The following OR4N2 variants were observed in gnomAD, a reference collection of about 807,000 sequenced individuals.
OR4N2 encodes olfactory receptor 4N2.
For synonymous variants in OR4N2, 141 were observed against 140.4 expected (o/e 1.00, Z -0.03); for missense variants, 307 against 377.6 (o/e 0.81, Z 1.55).
intron 1 of OR4N2, among the ~76,000 whole-genome samples, chr14:19,827,124 A>G (rs565728579): frequency 7.9e-5 from 12 of 152,386 alleles, no homozygotes; most frequent in African/African-American, 2.9e-4. Flanking sequence ...TGTCTCCATT[A>G]GGAAACTTCC....
chr14:19,816,352 A>C (rs1443342440), intron 1 of OR4N2, among the ~76,000 whole-genome samples: 1 of 152,158 alleles, frequency 6.6e-6, no homozygotes. Context: ...TTTTCCATTC[A>C]TTTGTGTCCT....
At chr14:19,812,780 C>T (rs751985844) in intron 1 of OR4N2, among the ~76,000 whole-genome samples, 18 of 151,910 alleles carry the variant, frequency 1.2e-4, no homozygotes, top group Non-Finnish European at 2.2e-4. Context: ...GCTTATTGGC[C>T]GTAAACATGT....
chr14:19,804,725 A>G (rs55641530), intron 1 of OR4N2, among the ~76,000 whole-genome samples: 7,801 of 151,518 alleles, frequency 0.051, 206 homozygotes, highest in African/African-American at 0.13. Context: ...ATTTTGTCAA[A>G]TGTCGAGCTC....
At chr14:19,806,892 A>C (rs1290819948) in intron 1 of OR4N2, among the ~76,000 whole-genome samples, 6 of 152,084 alleles carry the variant, frequency 3.9e-5, no homozygotes, top group Admixed American at 3.9e-4. Flanking sequence ...AATTAGAAAT[A>C]AACATCAAGA....
At chr14:19,808,621 T>G (rs1879222749) in intron 1 of OR4N2, among the ~76,000 whole-genome samples, 1 of 152,174 alleles carries the variant, frequency 6.6e-6, no homozygotes, top group South Asian at 2.1e-4. Flanking sequence ...ATTACAAGAA[T>G]CAATGTTGTT....
chr14:19,820,791 G>A (rs1269184572), intron 1 of OR4N2, among the ~76,000 whole-genome samples: 2 of 152,238 alleles, frequency 1.3e-5, no homozygotes, highest in African/African-American at 2.4e-5. Flanking sequence ...AACCAAGCTC[G>A]AGTGTCCCAG....
At chr14:19,811,005 T>C (rs1437682979) in intron 1 of OR4N2, among the ~76,000 whole-genome samples, 1 of 152,250 alleles carries the variant, frequency 6.6e-6, no homozygotes, top group African/African-American at 2.4e-5. Context: ...CTGAAAACTT[T>C]ATACTAAGAA....
intron 1 of OR4N2, among the ~76,000 whole-genome samples, chr14:19,825,102 T>C (rs1215530366): frequency 6.6e-6 from 1 of 152,276 alleles, no homozygotes; most frequent in Non-Finnish European, 1.5e-5. Context: ...TTGAAGGAAC[T>C]ACAAAATATT....
At chr14:19,825,087 C>T (rs1032629321) in intron 1 of OR4N2, among the ~76,000 whole-genome samples, 1 of 152,228 alleles carries the variant, frequency 6.6e-6, no homozygotes, top group Non-Finnish European at 1.5e-5. Context: ...AGCAGAAAAG[C>T]TCATTTGAAG....
At chr14:19,816,507 G>C (rs1345983465) in intron 1 of OR4N2, among the ~76,000 whole-genome samples, 1 of 152,184 alleles carries the variant, frequency 6.6e-6, no homozygotes, top group Non-Finnish European at 1.5e-5. Flanking sequence ...TCTATTAATG[G>C]TGTATAGGAA....
At position 19,828,076 on chromosome 14, in the gene OR4N2, T is replaced by G. The variant is rs763483241; in HGVS notation, c.628T>G (p.Cys210Gly). 1.9e-6 allele frequency: 3 copies of G among 1,614,144 alleles called. No homozygotes were observed. In the East Asian group the frequency reaches 6.7e-5, roughly 36 times the overall value. The change falls in exon 2 of 2, where the codon TGC (cysteine) becomes GGC (glycine). Residue 210 changes from cysteine to glycine, a missense_variant. By Grantham distance (159) the Cys-to-Gly change is radical. Coordinates refer to ENST00000557677, the MANE Select transcript of OR4N2 (RefSeq NM_001004723.3). ...VFNSGLMTLLCFLGLLASYAV... is the reference protein window; with the variant it reads ...VFNSGLMTLLGFLGLLASYAV... ...CAACAGTGGCCTGATGACACTCCTG[T>G]GCTTTCTGGGGCTTCTGGCCTCCTA...
chr14:19,815,074 A>G (rs1253598952), intron 1 of OR4N2, among the ~76,000 whole-genome samples: 1 of 152,228 alleles, frequency 6.6e-6, no homozygotes, highest in Non-Finnish European at 1.5e-5. Context: ...TCTATGATTG[A>G]TGGGCATTTG....
At chr14:19,808,441 T>C (rs1191853122) in intron 1 of OR4N2, among the ~76,000 whole-genome samples, 2 of 152,144 alleles carry the variant, frequency 1.3e-5, no homozygotes, top group African/African-American at 4.8e-5. Flanking sequence ...ATCAATAATG[T>C]CCAGGCTGAG....
At chr14:19,822,160 T>C (rs1166756396) in intron 1 of OR4N2, 1 of 152,306 alleles carries the variant, frequency 6.6e-6, no homozygotes, top group African/African-American at 2.4e-5. Context: ...GGGCACTATG[T>C]ACTCTCTCTC....
intron 1 of OR4N2, among the ~76,000 whole-genome samples, chr14:19,808,779 G>T (rs965369464): frequency 6.6e-6 from 1 of 151,464 alleles, no homozygotes; most frequent in Non-Finnish European, 1.5e-5. Flanking sequence ...CATGCAAAAT[G>T]TACCACATGA....
intron 1 of OR4N2, among the ~76,000 whole-genome samples, chr14:19,823,605 C>T (rs1469700077): frequency 2.0e-5 from 3 of 151,680 alleles, no homozygotes; most frequent in African/African-American, 7.3e-5. Flanking sequence ...AATGGAGTAG[C>T]CATGAACATA....
At chr14:19,815,645 GT>G (rs869163506) in intron 1 of OR4N2, among the ~76,000 whole-genome samples, 15 of 120,724 alleles carry the variant, frequency 1.2e-4, no homozygotes, top group Admixed American at 2.5e-4. Flanking sequence ...CTGATGAGAG[GT>G]TTTTTTTTGT....
chr14:19,811,782 A>G (rs543565126), intron 1 of OR4N2, among the ~76,000 whole-genome samples: 3 of 152,262 alleles, frequency 2.0e-5, no homozygotes, highest in Non-Finnish European at 4.4e-5. Context: ...TAGATTGGAA[A>G]TGAAAGGGAG....
chr14:19,812,524 G>T (rs1184904258), intron 1 of OR4N2, among the ~76,000 whole-genome samples: 6 of 151,752 alleles, frequency 4.0e-5, no homozygotes, highest in Admixed American at 3.3e-4. Context: ...TTGTTTGTTT[G>T]TTTTTTGTAT....
Sources: allele counts gnomAD v4.1 joint callset (sites outside exome capture counted in the v4.1 genomes callset), GRCh38; gene constraint gnomAD v4.1.1; transcripts MANE v1.5; gene names NCBI Gene and HGNC (gene_info 2026-07-23, HGNC 2026-07-21).